Variants in BACH2 observed in about 807,000 individuals in gnomAD.
The protein encoded by BACH2 is transcription regulator protein BACH2.
BACH2 carries 5 observed loss-of-function variants against 61.8 expected under a neutral mutation model. That is an observed-to-expected ratio of 0.08 (90% CI 0.04 to 0.17). The LOEUF (loss-of-function observed/expected upper bound fraction) is 0.17, where lower values mean the gene tolerates loss of function less well. Ranked by LOEUF, BACH2 falls within the 10% of genes least tolerant of loss-of-function variation. BACH2 has a pLI of 1.00. For missense variants in BACH2, 824 were observed against 1,091.1 expected (o/e 0.76, Z 3.45); for synonymous variants, 446 against 440.1 (o/e 1.01, Z -0.17).
intron 4 of BACH2, among the ~76,000 whole-genome samples, chr6:90,156,027 G>A (rs111514941): frequency 6.6e-6 from 1 of 152,048 alleles, no homozygotes; most frequent in Non-Finnish European, 1.5e-5. Flanking sequence ...TTTTAAAAAA[G>A]ATTGGAATTC....
intron 3 of BACH2, among the ~76,000 whole-genome samples, chr6:90,228,723 C>CA (rs1481078129): frequency 2.6e-5 from 4 of 152,022 alleles, no homozygotes; most frequent in African/African-American, 9.7e-5. Flanking sequence ...TGGGTGACAG[C>CA]AAGACACTGT....
intron 4 of BACH2, among the ~76,000 whole-genome samples, chr6:90,132,234 C>T (rs771393947): frequency 5.9e-5 from 9 of 152,216 alleles, no homozygotes; most frequent in Non-Finnish European, 1.0e-4. Context: ...TGTAGCATTA[C>T]GTAAGTCAAC....
chr6:90,005,460 T>G (rs1777358303), intron 6 of BACH2, among the ~76,000 whole-genome samples: 1 of 152,226 alleles, frequency 6.6e-6, no homozygotes, highest in Non-Finnish European at 1.5e-5. Flanking sequence ...GCCGATTAGT[T>G]CCAGAAAGCT....
At chr6:90,017,624 C>T (rs973880144) in intron 5 of BACH2, among the ~76,000 whole-genome samples, 2 of 152,180 alleles carry the variant, frequency 1.3e-5, no homozygotes, top group Non-Finnish European at 2.9e-5. Flanking sequence ...TCATCTCAGA[C>T]ACTGTGGTCC....
At chr6:90,038,889 A>T (rs1159506936) in intron 5 of BACH2, among the ~76,000 whole-genome samples, 1 of 151,884 alleles carries the variant, frequency 6.6e-6, no homozygotes, top group Non-Finnish European at 1.5e-5. Context: ...AAATACAAAA[A>T]ATTAGCTGGG....
At chr6:90,184,083 G>C (rs190095708) in intron 4 of BACH2, among the ~76,000 whole-genome samples, 64 of 152,202 alleles carry the variant, frequency 4.2e-4, no homozygotes, top group Non-Finnish European at 8.2e-4. Flanking sequence ...AATTATAAAG[G>C]GTTCTTATGA....
At chr6:90,246,490 C>T (rs947776797) in intron 3 of BACH2, among the ~76,000 whole-genome samples, 8 of 152,034 alleles carry the variant, frequency 5.3e-5, no homozygotes, top group Non-Finnish European at 1.2e-4. Context: ...CGTTACATTC[C>T]TCCCTATTGA....
intron 5 of BACH2, among the ~76,000 whole-genome samples, chr6:90,068,243 T>C (rs569800265): frequency 3.2e-4 from 48 of 152,186 alleles, no homozygotes; most frequent in Non-Finnish European, 5.9e-4. Context: ...AAATTAAACA[T>C]GACATGGTAC....
chr6:90,006,096 T>C (rs1448343331), intron 6 of BACH2, among the ~76,000 whole-genome samples: 1 of 152,224 alleles, frequency 6.6e-6, no homozygotes, highest in Non-Finnish European at 1.5e-5. Flanking sequence ...GGTTATGTCA[T>C]ATACATTTGT....
chr6:90,269,681 A>G (rs893825800), intron 2 of BACH2, among the ~76,000 whole-genome samples: 1 of 152,190 alleles, frequency 6.6e-6, no homozygotes, highest in Admixed American at 6.6e-5. Flanking sequence ...TGGACTTTCC[A>G]TAATAAAAGA....
chr6:90,284,019 T>C (rs992857626), intron 1 of BACH2, among the ~76,000 whole-genome samples: 7 of 151,464 alleles, frequency 4.6e-5, no homozygotes, highest in African/African-American at 7.3e-5. Flanking sequence ...AATAAATAAA[T>C]AAATAAATAA....
intron 3 of BACH2, among the ~76,000 whole-genome samples, chr6:90,219,268 A>T (rs766877729): frequency 3.3e-5 from 5 of 152,086 alleles, no homozygotes; most frequent in Non-Finnish European, 7.3e-5. Flanking sequence ...CACTGTAACA[A>T]TCTGTAATAT....
chr6:89,984,570 C>G (rs1776135185), intron 6 of BACH2, among the ~76,000 whole-genome samples: 1 of 152,060 alleles, frequency 6.6e-6, no homozygotes, highest in African/African-American at 2.4e-5. Flanking sequence ...TCTACAGGTA[C>G]TGAACCCTAA....
intron 5 of BACH2, among the ~76,000 whole-genome samples, chr6:90,066,608 G>A (rs941168635): frequency 1.3e-5 from 2 of 152,208 alleles, no homozygotes; most frequent in African/African-American, 4.8e-5. Flanking sequence ...AGCTGATCAT[G>A]TGCTTCAGCA....
chr6:90,172,755 G>A (rs1481354960), intron 4 of BACH2, among the ~76,000 whole-genome samples: 2 of 152,104 alleles, frequency 1.3e-5, no homozygotes, highest in Admixed American at 6.6e-5. Flanking sequence ...TAAAGGACAT[G>A]CTTCAGAAAA....
At position 89,927,714 on chromosome 6, in the gene BACH2, T is replaced by C. The variant is rs1248479687; in HGVS notation, c.*4694A>G. The C allele has an allele frequency of 2.0e-5, 3 of 152,850 alleles. No homozygotes were observed. Among genetic ancestry groups the C allele is most frequent in the Admixed American group, 6.5e-5 (1 of 15,290 alleles). 9.5% of individuals were successfully genotyped at this position (152,850 alleles called of 1,614,324 possible). ...TCATATTACATTTAAAATGCACTGA[T>C]ATTCATTTGATAGAAATATCATCTC... On this transcript the variant is annotated 3_prime_UTR_variant, in exon 9 of 9. Coordinates refer to ENST00000257749, the MANE Select transcript of BACH2 (RefSeq NM_021813.4).
At chr6:90,207,860 T>C (rs1166375018) in intron 3 of BACH2, among the ~76,000 whole-genome samples, 1 of 152,228 alleles carries the variant, frequency 6.6e-6, no homozygotes, top group Non-Finnish European at 1.5e-5. Flanking sequence ...CAAAGCTGTA[T>C]TCCCCATATT....
intron 6 of BACH2, among the ~76,000 whole-genome samples, chr6:89,961,641 T>C (rs928439760): frequency 1.3e-5 from 2 of 152,226 alleles, no homozygotes; most frequent in African/African-American, 4.8e-5. Flanking sequence ...GATGAGAAGT[T>C]TGGCCCCTCA....
At chr6:90,019,187 G>T (rs1019817018) in intron 5 of BACH2, among the ~76,000 whole-genome samples, 1 of 152,100 alleles carries the variant, frequency 6.6e-6, no homozygotes, top group East Asian at 1.9e-4. Flanking sequence ...TCTAGGTCAC[G>T]GATGGTGTGT....
Sources: gnomAD v4.1 joint callset for allele counts (sites outside exome capture counted in the v4.1 genomes callset) on GRCh38, gnomAD v4.1.1 for gene constraint, MANE v1.5 for transcripts, NCBI Gene and HGNC (gene_info 2026-07-23, HGNC 2026-07-21) for gene names.